Variants in MAP3K4 observed in about 807,000 individuals in gnomAD.
The protein encoded by MAP3K4 is mitogen-activated protein kinase kinase kinase 4, also known as MAP three kinase 1.
In MAP3K4, 67 loss-of-function variants were observed where a neutral mutation model predicts 185.6. The observed-to-expected ratio is 0.36, with a 90% CI of 0.30 to 0.44. MAP3K4 has a LOEUF of 0.44. Ranked by LOEUF, MAP3K4 falls within the 20% of genes least tolerant of loss-of-function variation. MAP3K4 has a pLI of 1.00. For missense variants in MAP3K4, 1,551 were observed against 1,995.1 expected (o/e 0.78, Z 4.24); for synonymous variants, 702 against 710.4 (o/e 0.99, Z 0.19).
chr6:161,053,443 C>A lies in MAP3K4; in HGVS notation c.1707+3464C>A, dbSNP rs1011034557. ...ACTTTTAGAAGTTTTATTACTTTTT[C>A]TTCCTTGAAGCTAACTGTAAATCCA... On this transcript the variant is annotated intron_variant, in intron 3 of 26. Coordinates refer to ENST00000392142, the MANE Select transcript of MAP3K4 (RefSeq NM_005922.4). The surrounding 1 kb of genome is among the most constrained non-coding windows in gnomAD (Gnocchi z 4.2). Among the ~76,000 whole-genome samples, 3 of 152,192 alleles carry A rather than the reference C, an allele frequency of 2.0e-5. No homozygotes were observed. Among genetic ancestry groups the A allele is most frequent in the Non-Finnish European group, 4.4e-5 (3 of 68,032 alleles).
Position 161,097,182 on chromosome 6 carries a change from TG to T in MAP3K4, c.3524+8del. 1 of 1,613,230 alleles carries T rather than the reference TG, an allele frequency of 6.2e-7. No individual in the cohort carries two copies. The highest frequency in any genetic ancestry group is 8.5e-7 in the Non-Finnish European group (1 of 1,179,188). On this transcript the variant is annotated splice_region_variant and intron_variant, in intron 16 of 26. Coordinates refer to ENST00000392142, the MANE Select transcript of MAP3K4 (RefSeq NM_005922.4). The surrounding 1 kb of genome is among the most constrained non-coding windows in gnomAD (Gnocchi z 4.9). ...CCCACTCCAGAGGGATTCAGGTATTTGGTGCTTATCTAGTCATTTGCTTTAC... is the reference window on the plus strand; with the variant it reads ...CCCACTCCAGAGGGATTCAGGTATTTGTGCTTATCTAGTCATTTGCTTTAC...
intron 1 of MAP3K4, among the ~76,000 whole-genome samples, chr6:161,027,858 G>C (rs1193975385): frequency 6.6e-6 from 1 of 152,180 alleles, no homozygotes; most frequent in African/African-American, 2.4e-5. Flanking sequence ...CTGCAGAGCA[G>C]GGACAAATGG....
At chr6:161,050,133 A>G (rs978877957) in intron 3 of MAP3K4, among the ~76,000 whole-genome samples, 154 bp downstream of exon 3, 4 of 152,244 alleles carry the variant, frequency 2.6e-5, no homozygotes, top group African/African-American at 7.2e-5. Flanking sequence ...GTAAAGTACT[A>G]TGATTAAATA....
In MAP3K4 at chr6:161,105,862, G is replaced by T. The variant is rs919158309; in HGVS notation, c.3857-652G>T. Among the ~76,000 whole-genome samples, 5 of 147,620 alleles carry T rather than the reference G, an allele frequency of 3.4e-5. No individual in the cohort carries two copies. In the East Asian group the frequency reaches 9.9e-4, roughly 29 times the overall value. On this transcript the variant is annotated intron_variant, in intron 19 of 26. Transcript: ENST00000392142. ...TGTTTTTTTTTTTTTTTGAGACCTGGTCTTACTCTGTCACCCATGCTGGAG... is the reference window on the plus strand; with the variant it reads ...TGTTTTTTTTTTTTTTTGAGACCTGTTCTTACTCTGTCACCCATGCTGGAG...
rs1785521411 is a variant in MAP3K4 at position 161,082,856 on chromosome 6, A to G, written c.2256-1645A>G. ...TGAAGCCTCCTAGAGTTTATTCTCA[A>G]CACCACAGCCTGAATGGTCTGGTTA... On this transcript the variant is annotated intron_variant, in intron 6 of 26. Transcript: ENST00000392142. The surrounding 1 kb of genome is among the most constrained non-coding windows in gnomAD (Gnocchi z 4.2). Among the ~76,000 whole-genome samples, 1 of 152,228 alleles carries G rather than the reference A, an allele frequency of 6.6e-6. No homozygotes were observed. Among genetic ancestry groups the G allele is most frequent in the South Asian group, 2.1e-4 (1 of 4,834 alleles).
Position 161,098,495 on chromosome 6 carries a change from T to C in MAP3K4, c.3674+68T>C. 1.3e-6 allele frequency: 2 copies of C among 1,516,608 alleles called. No individual in the cohort carries two copies. The highest frequency in any genetic ancestry group is 2.0e-5 in the Admixed American group (1 of 51,176). 93.9% of individuals were successfully genotyped at this position (1,516,608 alleles called of 1,614,324 possible). A position where few individuals can be genotyped will look rare whatever the true frequency, so the allele number is the denominator to read the frequency against. ...ACATGCGCTTACACAGCAACCATAG[T>C]GTTAGGGTGTGTGCCGGCTGTGGTT... is the stretch of plus-strand genomic sequence containing the variant. On this transcript the variant is annotated intron_variant, in intron 17 of 26. Coordinates refer to ENST00000392142, the MANE Select transcript of MAP3K4 (RefSeq NM_005922.4). The surrounding 1 kb of genome is among the most constrained non-coding windows in gnomAD (Gnocchi z 4.4).
At position 161,049,268 on chromosome 6, in the gene MAP3K4, A is replaced by G. The variant is rs1256502456; in HGVS notation, c.996A>G (p.Thr332=). 7 of 1,614,184 alleles carry G rather than the reference A, an allele frequency of 4.3e-6. No individual in the cohort carries two copies. Among genetic ancestry groups the G allele is most frequent in the Non-Finnish European group, 5.1e-6 (6 of 1,180,020 alleles). ...VEGQCKATPG[T]KIVGYSTHHE... ...GGCAGTGCAAAGCCACTCCTGGAAC[A>G]AAGATTGTAGGTTACTCAACACATC... Residue 332 remains threonine, a synonymous_variant, in exon 3 of 27, where the codon ACA becomes ACG. Coordinates refer to ENST00000392142, the MANE Select transcript of MAP3K4 (RefSeq NM_005922.4). The surrounding 1 kb of genome is among the most constrained non-coding windows in gnomAD (Gnocchi z 8.4).
At chr6:161,038,512 T>C (rs991248648) in intron 2 of MAP3K4, among the ~76,000 whole-genome samples, 14 of 152,256 alleles carry the variant, frequency 9.2e-5, no homozygotes, top group Admixed American at 9.2e-4. Flanking sequence ...AAAGGATCTC[T>C]GAGTCATACT....
intron 1 of MAP3K4, among the ~76,000 whole-genome samples, chr6:161,002,516 A>G (rs1781371068): frequency 6.6e-6 from 1 of 150,870 alleles, no homozygotes; most frequent in Non-Finnish European, 1.5e-5. Context: ...ACCTGTATCT[A>G]TTATGGAAAA....
chr6:161,102,439 T>C (rs1030166183), intron 18 of MAP3K4, among the ~76,000 whole-genome samples: 14 of 152,150 alleles, frequency 9.2e-5, no homozygotes, highest in African/African-American at 3.1e-4. Context: ...GGAATCCACT[T>C]TTTGCACAGT....
intron 1 of MAP3K4, among the ~76,000 whole-genome samples, chr6:161,033,439 A>G (rs760654440): frequency 6.6e-5 from 10 of 152,242 alleles, no homozygotes; most frequent in Non-Finnish European, 1.5e-4. Context: ...GGCCAGGGAT[A>G]GAGAATTGGC....
chr6:161,062,008 A>G (rs534642867), intron 3 of MAP3K4, among the ~76,000 whole-genome samples: 2 of 152,158 alleles, frequency 1.3e-5, no homozygotes, highest in Non-Finnish European at 2.9e-5. Context: ...AAAACATTTT[A>G]TGTTTTATAC....
intron 5 of MAP3K4, among the ~76,000 whole-genome samples, chr6:161,079,855 A>G (rs1456763021): frequency 6.6e-6 from 1 of 152,224 alleles, no homozygotes; most frequent in Admixed American, 6.5e-5. Flanking sequence ...TTGTCTTGAG[A>G]TAAAGAATAG....
At chr6:161,029,023 G>C (rs565748321) in intron 1 of MAP3K4, among the ~76,000 whole-genome samples, 35 of 152,274 alleles carry the variant, frequency 2.3e-4, no homozygotes, top group African/African-American at 8.4e-4. Flanking sequence ...TATACACATT[G>C]TTTAAAGAAA....
chr6:161,000,958 TATATA>T (rs1781260772), intron 1 of MAP3K4, among the ~76,000 whole-genome samples: 2 of 145,760 alleles, frequency 1.4e-5, no homozygotes, highest in African/African-American at 5.0e-5. Context: ...GTGCATATTA[TATATA>T]ATATACACAT....
Position 161,008,719 on chromosome 6 carries a change from C to G in MAP3K4, c.152+16636C>G, listed in dbSNP as rs937882883. 2.6e-5 allele frequency among the ~76,000 whole-genome samples: 4 copies of G among 152,104 alleles called. No homozygotes were observed. Among genetic ancestry groups the G allele is most frequent in the Admixed American group, 6.5e-5 (1 of 15,276 alleles). ...GAAGAAATAAAATGTGAGCAGCATC[C>G]TAGAAAATCTCTTCCTACTTCTTGC... On this transcript the variant is annotated intron_variant, in intron 1 of 26. Coordinates refer to ENST00000392142, the MANE Select transcript of MAP3K4 (RefSeq NM_005922.4). The surrounding 1 kb of genome is among the most constrained non-coding windows in gnomAD (Gnocchi z 4.1).
chr6:161,055,696 G>A (rs913227245), intron 3 of MAP3K4, among the ~76,000 whole-genome samples: 1 of 152,178 alleles, frequency 6.6e-6, no homozygotes, highest in African/African-American at 2.4e-5. Context: ...CTCATGATTA[G>A]ACTGGGGTGA....
chr6:161,047,117 CATATATATATAT>C (rs3050257), intron 2 of MAP3K4, among the ~76,000 whole-genome samples: 21 of 135,008 alleles, frequency 1.6e-4, no homozygotes, highest in Admixed American at 6.5e-4. Flanking sequence ...TTCACTTATG[CATATATATATAT>C]ATATATATAT....
At chr6:161,039,290 A>AC (rs1783330476) in intron 2 of MAP3K4, among the ~76,000 whole-genome samples, 1 of 151,762 alleles carries the variant, frequency 6.6e-6, no homozygotes, top group African/African-American at 2.4e-5. Context: ...AAAAAAAAAA[A>AC]AAAAAAAAAA....
Sources: allele counts gnomAD v4.1 joint callset (sites outside exome capture counted in the v4.1 genomes callset), GRCh38; gene constraint gnomAD v4.1.1; non-coding constraint Gnocchi (gnomAD v3.1); transcripts MANE v1.5; gene names NCBI Gene and HGNC (gene_info 2026-07-23, HGNC 2026-07-21).